The following REV1 variants were observed in gnomAD, a reference collection of about 807,000 sequenced individuals.
REV1 encodes translesion synthesis protein REV1.
In REV1, 42 loss-of-function variants were observed where a neutral mutation model predicts 137.4. The ratio of observed to expected loss-of-function variants is 0.31; its 90% confidence interval spans 0.24 to 0.40. The LOEUF (loss-of-function observed/expected upper bound fraction) is 0.40, where lower values mean the gene tolerates loss of function less well. REV1 is among the 10% of genes least tolerant of loss of function. The pLI is 1.00. For missense variants in REV1, 1,282 were observed against 1,490.1 expected, an observed-to-expected ratio of 0.86 and a Z score of 2.30; for synonymous variants, 524 against 519.2, an observed-to-expected ratio of 1.01 and a Z score of -0.12.
chr2:99,464,863 G>T, intron 2 of REV1, 59 bp downstream of exon 2: 1 of 1,497,384 alleles, frequency 6.7e-7, no homozygotes, highest in Non-Finnish European at 9.3e-7. Context: ...CATTATAACA[G>T]AAGAATGAAA....
At chr2:99,426,951 A>G (rs1474589701) in intron 9 of REV1, among the ~76,000 whole-genome samples, 7 of 152,174 alleles carry the variant, frequency 4.6e-5, no homozygotes, top group African/African-American at 1.7e-4. Context: ...TTGGGAGGCC[A>G]AGGCGAGCGG....
At chr2:99,461,743 A>G (rs1410138930) in intron 3 of REV1, among the ~76,000 whole-genome samples, 1 of 152,238 alleles carries the variant, frequency 6.6e-6, no homozygotes, top group Non-Finnish European at 1.5e-5. Flanking sequence ...GCCATATGGA[A>G]GCTTGGAAAG....
At chr2:99,486,173 T>C (rs1687107083) in intron 1 of REV1, among the ~76,000 whole-genome samples, 1 of 152,184 alleles carries the variant, frequency 6.6e-6, no homozygotes, top group Non-Finnish European at 1.5e-5. Context: ...CTTTATCTCA[T>C]GCCAAAATAC....
chr2:99,486,373 CA>C (rs754147279), intron 1 of REV1, among the ~76,000 whole-genome samples: 5 of 151,878 alleles, frequency 3.3e-5, no homozygotes, highest in Non-Finnish European at 7.4e-5. Flanking sequence ...ACTAAAAATA[CA>C]AAAAATTAGC....
chr2:99,460,233 C>T (rs796976106), intron 3 of REV1, among the ~76,000 whole-genome samples: 9 of 152,254 alleles, frequency 5.9e-5, no homozygotes, highest in African/African-American at 1.7e-4. Flanking sequence ...CACGTCACCA[C>T]GCCCAGCTAA....
intron 4 of REV1, among the ~76,000 whole-genome samples, chr2:99,444,388 C>T (rs1299605004): frequency 6.6e-6 from 1 of 152,228 alleles, no homozygotes; most frequent in Non-Finnish European, 1.5e-5. Flanking sequence ...TGATCATTCT[C>T]GCTTTTCCTG....
At chr2:99,443,805 C>T (rs377407501) in intron 4 of REV1, among the ~76,000 whole-genome samples, 1 of 151,872 alleles carries the variant, frequency 6.6e-6, no homozygotes, top group Admixed American at 6.6e-5. Flanking sequence ...CCCTAAAATT[C>T]GACTATTTTT....
intron 13 of REV1, among the ~76,000 whole-genome samples, chr2:99,411,782 T>C (rs1267449498): frequency 6.6e-6 from 1 of 152,032 alleles, no homozygotes; most frequent in African/African-American, 2.4e-5. Flanking sequence ...GTTCTGCTAA[T>C]AAAATGTGTG....
intron 1 of REV1, among the ~76,000 whole-genome samples, chr2:99,482,178 A>G (rs1407220697): frequency 6.6e-6 from 1 of 152,244 alleles, no homozygotes; most frequent in Non-Finnish European, 1.5e-5. Flanking sequence ...TAAAAGTCCC[A>G]TAAAAACTCC....
intron 15 of REV1, 108 bp downstream of exon 15, chr2:99,407,921 C>A: frequency 1.9e-6 from 1 of 533,748 alleles, no homozygotes; most frequent in South Asian, 4.4e-5. Context: ...AGCTAAAGAC[C>A]TACATATAAA....
At chr2:99,435,162 C>T (rs1247737794) in intron 7 of REV1, among the ~76,000 whole-genome samples, 1 of 152,130 alleles carries the variant, frequency 6.6e-6, no homozygotes, top group South Asian at 2.1e-4. Flanking sequence ...GGAACTACTA[C>T]CCATGACAAA....
At position 99,431,209 on chromosome 2, in the gene REV1, C is replaced by A. The variant is rs760704298; in HGVS notation, c.1439-1261G>T. Among the ~76,000 whole-genome samples the A allele has an allele frequency of 3.3e-5, 5 of 152,292 alleles. No individual in the cohort carries two copies. The Middle Eastern group carries it at 0.01, about 311-fold the overall frequency. On this transcript the variant is annotated intron_variant, in intron 8 of 22. Coordinates refer to ENST00000258428, the MANE Select transcript of REV1 (RefSeq NM_016316.4). ...TTCTGGATTTCGGCAACCATATATACACAGCATAAATGCAAATCAAACTGA... is the reference window on the plus strand; with the variant it reads ...TTCTGGATTTCGGCAACCATATATAAACAGCATAAATGCAAATCAAACTGA...
intron 3 of REV1, among the ~76,000 whole-genome samples, chr2:99,457,626 G>A (rs935835271): frequency 4.6e-5 from 7 of 151,918 alleles, no homozygotes; most frequent in South Asian, 4.2e-4. Flanking sequence ...CAGAGGGTGC[G>A]GTAAGCTGAG....
chr2:99,431,962 G>C (rs1358501644), intron 8 of REV1: 1 of 908,326 alleles, frequency 1.1e-6, no homozygotes, highest in Non-Finnish European at 1.3e-6. Flanking sequence ...AAATCGCTGA[G>C]AATAAATCTA....
intron 12 of REV1, among the ~76,000 whole-genome samples, chr2:99,413,881 A>G (rs1343118991): frequency 6.6e-6 from 1 of 152,238 alleles, no homozygotes; most frequent in Non-Finnish European, 1.5e-5. Context: ...ACTTATCAAA[A>G]GAGAACTCAG....
At chr2:99,468,485 CACTAAGAAGTG>C (rs1685064352) in intron 1 of REV1, among the ~76,000 whole-genome samples, 2 of 152,322 alleles carry the variant, frequency 1.3e-5, no homozygotes, top group South Asian at 4.1e-4. Flanking sequence ...TAAACCTACT[CACTAAGAAGTG>C]ACTGCCCTGT....
chr2:99,443,514 C>T (rs1291517165), intron 4 of REV1, among the ~76,000 whole-genome samples: 1 of 152,140 alleles, frequency 6.6e-6, no homozygotes, highest in Non-Finnish European at 1.5e-5. Flanking sequence ...ACTTGGAATA[C>T]AGGAAAACAT....
chr2:99,433,080 A>T (rs765953652), intron 8 of REV1, among the ~76,000 whole-genome samples: 1 of 152,196 alleles, frequency 6.6e-6, no homozygotes, highest in Non-Finnish European at 1.5e-5. Flanking sequence ...TATTTCATAA[A>T]TGCCTAATAT....
At position 99,406,338 on chromosome 2, in the gene REV1, C is replaced by T; in HGVS notation, c.2601G>A (p.Glu867=). 3 of 1,611,818 alleles carry T rather than the reference C, an allele frequency of 1.9e-6. No individual in the cohort carries two copies. Among genetic ancestry groups the T allele is most frequent in the Non-Finnish European group, 2.5e-6 (3 of 1,178,750 alleles). The change falls in exon 16 of 23, where the codon GAG becomes GAA. Residue 867 remains glutamate (E), a synonymous_variant. Transcript: ENST00000258428. Reference sequence around the variant, plus strand: ...ATGACCACCAACCTTCTTTGTGCTCCTCTTCGGTGGATTTCTTAGCTTTCT... The same window carrying T: ...ATGACCACCAACCTTCTTTGTGCTCTTCTTCGGTGGATTTCTTAGCTTTCT... ...QVQKAKKSTE[E]EHKEVFRAAV...
Sources: gnomAD v4.1 joint callset for allele counts (sites outside exome capture counted in the v4.1 genomes callset) on GRCh38, gnomAD v4.1.1 for gene constraint, MANE v1.5 for transcripts, NCBI Gene and HGNC (gene_info 2026-07-23, HGNC 2026-07-21) for gene names.